The following ZRANB1 variants were observed in gnomAD, a reference collection of about 807,000 sequenced individuals.
The protein encoded by ZRANB1 is ubiquitin thioesterase ZRANB1.
In ZRANB1, 16 loss-of-function variants were observed where a neutral mutation model predicts 80.5. That is an observed-to-expected ratio of 0.20 (90% CI 0.13 to 0.30). The LOEUF (loss-of-function observed/expected upper bound fraction) is 0.30. Ranked by LOEUF, ZRANB1 falls within the 10% of genes least tolerant of loss-of-function variation. The pLI is 1.00. For missense variants in ZRANB1, 576 were observed against 862.6 expected (o/e 0.67, Z 4.16); for synonymous variants, 291 against 293.1 (o/e 0.99, Z 0.07).
the ZRANB1 span, among the ~76,000 whole-genome samples, chr10:124,925,669 T>A: frequency 6.6e-6 from 1 of 152,206 alleles, no homozygotes; most frequent in Admixed American, 6.5e-5. Context: ...TGTTTTCTTC[T>A]AAGAGTTTCT....
intron 1 of ZRANB1, among the ~76,000 whole-genome samples, chr10:124,950,920 C>T (rs182151383): frequency 1.8e-3 from 275 of 152,234 alleles, no homozygotes; most frequent in Admixed American, 3.5e-3. Flanking sequence ...CTGCAGCGGG[C>T]CATGATTGTG....
rs1019606321 is a variant in ZRANB1 at position 124,987,778 on chromosome 10, A to G, written c.*2786A>G. 3.9e-5 allele frequency: 6 copies of G among 152,230 alleles called. No individual in the cohort carries two copies. In the South Asian group the frequency reaches 1.0e-3, roughly 26 times the overall value. The allele number at this position is 152,230 out of a possible 1,614,324, so 9.4% of individuals were successfully genotyped here. A position where few individuals can be genotyped will look rare whatever the true frequency, so the allele number is the denominator to read the frequency against. Reference sequence around the variant, plus strand: ...TTTTCTTGTTTTGTTTTAATTGGGAAGGGAAGTATAAGGAAGAGCTCAGAG... The same window carrying G: ...TTTTCTTGTTTTGTTTTAATTGGGAGGGGAAGTATAAGGAAGAGCTCAGAG... On this transcript the variant is annotated 3_prime_UTR_variant, in exon 9 of 9. Coordinates refer to ENST00000359653, the MANE Select transcript of ZRANB1 (RefSeq NM_017580.3).
the ZRANB1 span, among the ~76,000 whole-genome samples, chr10:124,919,528 C>T: frequency 2.0e-5 from 3 of 151,146 alleles, no homozygotes; most frequent in Non-Finnish European, 2.9e-5. Flanking sequence ...GCCTGGGCAA[C>T]GGAGCAGGAC....
chr10:124,974,220 A>G lies in ZRANB1; in HGVS notation c.1249A>G (p.Ile417Val), dbSNP rs1173478348. The change falls in exon 5 of 9, where the codon ATT becomes GTT. Residue 417 changes from isoleucine to valine, a missense_variant. Transcript: ENST00000359653. ...VQKELEEESP[I>V]INWSLELATR... ...TACAGAATTAGAAGAAGAATCTCCA[A>G]TTATTAACTGGTCCTTGGAATTGGC... 11 of 1,614,150 alleles carry G rather than the reference A, an allele frequency of 6.8e-6. No homozygotes were observed. Among genetic ancestry groups the G allele is most frequent in the East Asian group, 2.2e-5 (1 of 44,906 alleles).
chr10:124,974,787 TTGAC>T (rs1191393345), intron 5 of ZRANB1, among the ~76,000 whole-genome samples: 5 of 152,180 alleles, frequency 3.3e-5, no homozygotes, highest in East Asian at 1.9e-4. Context: ...TAGGGATTGA[TTGAC>T]TGATTGATTG....
intron 5 of ZRANB1, among the ~76,000 whole-genome samples, chr10:124,980,111 A>G (rs1196538892): frequency 6.6e-6 from 1 of 152,210 alleles, no homozygotes; most frequent in Admixed American, 6.5e-5. Context: ...TGTAGATTTA[A>G]TTGGGGTGAT....
At chr10:124,922,492 A>T in the ZRANB1 span, among the ~76,000 whole-genome samples, 3 of 132,138 alleles carry the variant, frequency 2.3e-5, no homozygotes, top group Non-Finnish European at 3.2e-5. Context: ...CACCTGGCTA[A>T]TTTTTTTTTT....
chr10:124,967,237 T>G (rs945288882), intron 2 of ZRANB1, among the ~76,000 whole-genome samples: 1 of 152,190 alleles, frequency 6.6e-6, no homozygotes, highest in Non-Finnish European at 1.5e-5. Flanking sequence ...AGTTTTGAGG[T>G]GTCTTGTCGT....
intron 1 of ZRANB1, chr10:124,962,382 G>C (rs1951740978): frequency 1.0e-6 from 1 of 985,290 alleles, no homozygotes. Context: ...CTCCAGGGTA[G>C]TGTTGGGCTG....
the ZRANB1 span, among the ~76,000 whole-genome samples, chr10:124,919,912 C>T: frequency 1.8e-5 from 2 of 112,368 alleles, no homozygotes; most frequent in East Asian, 6.5e-4. Context: ...CGCCCGGCCC[C>T]CCCCCCCCCT....
chr10:124,960,318 T>G (rs1302879132), intron 1 of ZRANB1, among the ~76,000 whole-genome samples: 1 of 152,230 alleles, frequency 6.6e-6, no homozygotes, highest in Non-Finnish European at 1.5e-5. Flanking sequence ...TTGATGATTT[T>G]CTGTCTTAAT....
At chr10:124,935,231 A>C in the ZRANB1 span, among the ~76,000 whole-genome samples, 1 of 152,232 alleles carries the variant, frequency 6.6e-6, no homozygotes, top group Non-Finnish European at 1.5e-5. Context: ...ATACTTAAGT[A>C]TGGACCTAAC....
At chr10:124,931,759 A>G in the ZRANB1 span, among the ~76,000 whole-genome samples, 1 of 152,278 alleles carries the variant, frequency 6.6e-6, no homozygotes, top group African/African-American at 2.4e-5. Flanking sequence ...TGCTGCCCCC[A>G]TGTTTCCCCC....
At position 124,987,887 on chromosome 10, in the gene ZRANB1, GATCCATTA is replaced by G. The variant is rs1372069727; in HGVS notation, c.*2897_*2904del. 6.6e-5 allele frequency: 10 copies of G among 152,328 alleles called. No individual in the cohort carries two copies. The East Asian group carries it at 1.9e-3, about 29-fold the overall frequency. The allele number at this position is 152,328 out of a possible 1,614,324, so 9.4% of individuals were successfully genotyped here. On this transcript the variant is annotated 3_prime_UTR_variant, in exon 9 of 9. Coordinates refer to ENST00000359653, the MANE Select transcript of ZRANB1 (RefSeq NM_017580.3). ...AAGGTTTAATTCTATTTAAAAAGAAGATCCATTAAATCAAGCTCTTAACTCATGGGACT... is the reference window on the plus strand; with the variant it reads ...AAGGTTTAATTCTATTTAAAAAGAAGAATCAAGCTCTTAACTCATGGGACT...
At chr10:124,943,878 G>C (rs1362418562) in intron 1 of ZRANB1, among the ~76,000 whole-genome samples, 1 of 152,182 alleles carries the variant, frequency 6.6e-6, no homozygotes, top group East Asian at 1.9e-4. Context: ...AGAAGCTTTA[G>C]TCAGATGTTA....
intron 1 of ZRANB1, among the ~76,000 whole-genome samples, chr10:124,956,267 G>A (rs1357889889): frequency 1.3e-5 from 2 of 151,932 alleles, no homozygotes; most frequent in Non-Finnish European, 2.9e-5. Context: ...AGTATAAAAG[G>A]ATGTGTTTTG....
Position 124,971,954 on chromosome 10 carries a change from T to C in ZRANB1, c.1003-11T>C. The C allele has an allele frequency of 1.3e-6, 2 of 1,565,596 alleles. No homozygotes were observed. Among genetic ancestry groups the C allele is most frequent in the Non-Finnish European group, 1.7e-6 (2 of 1,156,090 alleles). On this transcript the variant is annotated splice_polypyrimidine_tract_variant and intron_variant, in intron 2 of 8. Coordinates refer to ENST00000359653, the MANE Select transcript of ZRANB1 (RefSeq NM_017580.3). The stretch of plus-strand genomic sequence containing the variant: ...ACATGAGATGAGAGGAAGGTTTCTT[T>C]TGTATTTAAGGTGTCTCAACAAGCA...
At chr10:124,917,568 A>G in the ZRANB1 span, among the ~76,000 whole-genome samples, 1 of 152,320 alleles carries the variant, frequency 6.6e-6, no homozygotes, top group African/African-American at 2.4e-5. Flanking sequence ...CTCTTCCGCC[A>G]GATTTCCCCA....
rs1457882014 is a variant in ZRANB1, at chr10:124,948,798, G to A, written c.814+5491G>A. Among the ~76,000 whole-genome samples, 4 of 152,268 alleles carry A rather than the reference G, an allele frequency of 2.6e-5. No homozygotes were observed. The East Asian group carries it at 7.7e-4, about 29-fold the overall frequency. On this transcript the variant is annotated intron_variant, in intron 1 of 8. Transcript: ENST00000359653. ...GTAATTTTATGTTTTGTTCAAAGCT[G>A]TATCTTAGTATGTACAACAGTGCCT...
Sources: allele counts gnomAD v4.1 joint callset (sites outside exome capture counted in the v4.1 genomes callset), GRCh38; gene constraint gnomAD v4.1.1; transcripts MANE v1.5; gene names NCBI Gene and HGNC (gene_info 2026-07-23, HGNC 2026-07-21).